VTI1A: variants seen among roughly 807,000 people sequenced by gnomAD.
VTI1A encodes vesicle transport through interaction with t-SNAREs 1A, also known as vesicle transport through interaction with t-SNAREs homolog 1A.
Under a neutral mutation model 34.9 loss-of-function variants are expected in VTI1A, and 22 were observed. The observed-to-expected ratio is 0.63, with a 90% confidence interval of 0.45 to 0.90. The LOEUF (loss-of-function observed/expected upper bound fraction) is 0.90. Ranked by LOEUF, VTI1A falls within the 40% of genes least tolerant of loss-of-function variation. The pLI is 0.00. For missense variants in VTI1A, 268 were observed against 275.6 expected (o/e 0.97, Z 0.20); for synonymous variants, 87 against 97.3 (o/e 0.89, Z 0.62).
intron 7 of VTI1A, among the ~76,000 whole-genome samples, chr10:112,711,249 G>A (rs1849404745): frequency 1.3e-5 from 2 of 152,166 alleles, no homozygotes; most frequent in Non-Finnish European, 2.9e-5. Context: ...AGATTGTGCA[G>A]AATAGCCCTT....
At chr10:112,806,894 T>C (rs1007037266) in intron 7 of VTI1A, among the ~76,000 whole-genome samples, 3 of 152,198 alleles carry the variant, frequency 2.0e-5, no homozygotes, top group African/African-American at 7.2e-5. Context: ...GCCTTCTTCC[T>C]GTTTTAAATG....
chr10:112,456,729 T>G (rs1847541394), intron 1 of VTI1A, among the ~76,000 whole-genome samples: 1 of 152,228 alleles, frequency 6.6e-6, no homozygotes, highest in Admixed American at 6.5e-5. Context: ...CAGGCTGCCC[T>G]GCCCTCTGTA....
At chr10:112,797,899 C>T (rs1015263494) in intron 7 of VTI1A, among the ~76,000 whole-genome samples, 1 of 152,216 alleles carries the variant, frequency 6.6e-6, no homozygotes, top group Non-Finnish European at 1.5e-5. Context: ...TCTCTCTGAG[C>T]GTTCTGGCAG....
At chr10:112,832,961 C>T in the VTI1A span, among the ~76,000 whole-genome samples, 1 of 152,180 alleles carries the variant, frequency 6.6e-6, no homozygotes, top group Non-Finnish European at 1.5e-5. Context: ...ATACCAGCAC[C>T]AGTTGGGTCT....
intron 5 of VTI1A, among the ~76,000 whole-genome samples, chr10:112,544,032 G>A (rs1323818306): frequency 3.3e-5 from 5 of 152,104 alleles, no homozygotes; most frequent in African/African-American, 7.2e-5. Context: ...TGTTCCATTG[G>A]TCTATATCTC....
intron 7 of VTI1A, among the ~76,000 whole-genome samples, chr10:112,739,268 C>G (rs1850606786): frequency 6.6e-6 from 1 of 152,176 alleles, no homozygotes; most frequent in Admixed American, 6.5e-5. Context: ...GAACTCAACT[C>G]CTCCCTCCCA....
intron 7 of VTI1A, among the ~76,000 whole-genome samples, chr10:112,794,907 G>A (rs1411696617): frequency 1.3e-5 from 2 of 152,118 alleles, no homozygotes; most frequent in Non-Finnish European, 2.9e-5. Context: ...GAGCATTCGT[G>A]ACAACCCTCA....
the VTI1A span, among the ~76,000 whole-genome samples, chr10:112,829,803 GA>G: frequency 6.6e-6 from 1 of 152,148 alleles, no homozygotes; most frequent in Non-Finnish European, 1.5e-5. Flanking sequence ...GAGACTATGA[GA>G]AATGATAAAT....
chr10:112,776,436 A>T (rs1400950012), intron 7 of VTI1A, among the ~76,000 whole-genome samples: 1 of 152,150 alleles, frequency 6.6e-6, no homozygotes. Flanking sequence ...GGGCCTTAGC[A>T]CTAGGCGGTC....
At chr10:112,473,402 G>T (rs535335433) in intron 3 of VTI1A, among the ~76,000 whole-genome samples, 1 of 151,942 alleles carries the variant, frequency 6.6e-6, no homozygotes, top group Non-Finnish European at 1.5e-5. Context: ...GAGCCACTGC[G>T]CCCGTCCCAC....
At chr10:112,475,880 T>C (rs1480533573) in intron 3 of VTI1A, among the ~76,000 whole-genome samples, 1 of 152,170 alleles carries the variant, frequency 6.6e-6, no homozygotes, top group Non-Finnish European at 1.5e-5. Context: ...GCCTCATGAA[T>C]AAAATATTTC....
chr10:112,447,808 A>C (rs1448578082), intron 1 of VTI1A, among the ~76,000 whole-genome samples: 1 of 152,198 alleles, frequency 6.6e-6, no homozygotes, highest in Non-Finnish European at 1.5e-5. Flanking sequence ...AAAATGAATG[A>C]AAGTATGTAG....
At chr10:112,829,850 A>G in the VTI1A span, among the ~76,000 whole-genome samples, 2 of 152,234 alleles carry the variant, frequency 1.3e-5, no homozygotes, top group African/African-American at 4.8e-5. Context: ...ACTCATAACA[A>G]CATCTGTGGG....
intron 5 of VTI1A, among the ~76,000 whole-genome samples, chr10:112,636,799 C>T (rs1218381530): frequency 1.3e-5 from 2 of 150,492 alleles, no homozygotes; most frequent in African/African-American, 4.9e-5. Context: ...CTAGAGGGTG[C>T]AGTCAGTATA....
At chr10:112,647,731 A>C (rs1564865169) in intron 5 of VTI1A, among the ~76,000 whole-genome samples, 1 of 152,168 alleles carries the variant, frequency 6.6e-6, no homozygotes, top group East Asian at 1.9e-4. Context: ...TTGTAAAATA[A>C]TTATACTTTG....
intron 5 of VTI1A, among the ~76,000 whole-genome samples, chr10:112,601,893 C>T (rs950802541): frequency 2.6e-5 from 4 of 152,144 alleles, no homozygotes; most frequent in South Asian, 2.1e-4. Flanking sequence ...AGAATGATTA[C>T]AACTAGGGTC....
intron 7 of VTI1A, among the ~76,000 whole-genome samples, chr10:112,726,629 C>A (rs1441738687): frequency 6.6e-6 from 1 of 152,154 alleles, no homozygotes; most frequent in Non-Finnish European, 1.5e-5. Flanking sequence ...TTATCTTAAC[C>A]ATTTTGAGGC....
intron 3 of VTI1A, among the ~76,000 whole-genome samples, chr10:112,519,747 A>AT (rs1304142462): frequency 1.3e-5 from 2 of 152,076 alleles, no homozygotes; most frequent in South Asian, 2.1e-4. Flanking sequence ...CATCTGGCTT[A>AT]GAACCCCTTG....
chr10:112,701,557 T>C (rs1242875713), intron 7 of VTI1A, among the ~76,000 whole-genome samples: 1 of 152,242 alleles, frequency 6.6e-6, no homozygotes, highest in African/African-American at 2.4e-5. Context: ...TATTTTAATG[T>C]AGTATTTGCC....
Sources: gnomAD v4.1 joint callset for allele counts (sites outside exome capture counted in the v4.1 genomes callset) on GRCh38, gnomAD v4.1.1 for gene constraint, MANE v1.5 for transcripts, NCBI Gene and HGNC (gene_info 2026-07-23, HGNC 2026-07-21) for gene names.